LANCL3: variants seen among roughly 807,000 people sequenced by gnomAD.
LANCL3 encodes the protein LanC like family member 3.
In LANCL3, 19 loss-of-function variants were observed where a neutral mutation model predicts 26.5. That is an observed-to-expected ratio of 0.72 (90% confidence interval 0.50 to 1.05). The LOEUF (loss-of-function observed/expected upper bound fraction) is 1.05. Ranked by LOEUF, LANCL3 falls within the 50% of genes least tolerant of loss-of-function variation. The pLI, the probability that LANCL3 is intolerant of heterozygous loss-of-function variation, is 0.00. For synonymous variants in LANCL3, 160 were observed against 166.6 expected, an observed-to-expected ratio of 0.96 and a Z score of 0.30; for missense variants, 318 against 362.7, an observed-to-expected ratio of 0.88 and a Z score of 1.00.
intron 1 of LANCL3, among the ~76,000 whole-genome samples, chrX:37,631,644 A>G (rs1240716806): frequency 1.8e-5 from 2 of 109,038 alleles, no homozygotes; most frequent in Non-Finnish European, 3.8e-5. Flanking sequence ...AGATTCTTGT[A>G]TGTTGTGTCT....
In LANCL3 at chrX:37,586,341, C is replaced by T. The variant is rs782442210; in HGVS notation, c.573+13898C>T. ...TGCATTTCCTGAATTTGAATGTTGG[C>T]CTGCCTTGCTAGGTTGGGGAAGTTC... On this transcript the variant is annotated intron_variant, in intron 1 of 4. Coordinates refer to ENST00000378619, the MANE Select transcript of LANCL3 (RefSeq NM_001170331.2). 6.3e-5 allele frequency among the ~76,000 whole-genome samples: 7 copies of T among 111,614 alleles called. 1 individual carries two copies. In the South Asian group the frequency reaches 2.6e-3, roughly 42 times the overall value.
rs1926921283 is a variant in LANCL3, at chrX:37,680,860, T to C, written c.*5047T>C. 2 of 111,249 alleles carry C rather than the reference T, an allele frequency of 1.8e-5. No homozygotes were observed. Among genetic ancestry groups the C allele is most frequent in the African/African-American group, 6.6e-5 (2 of 30,474 alleles). 9.2% of individuals were successfully genotyped at this position (111,249 alleles called of 1,213,427 possible). A position where few individuals can be genotyped will look rare whatever the true frequency, so the allele number is the denominator to read the frequency against. ...GAGTGTGTGTGTGTGTGTGTGTAAG[T>C]AGTTGAGTGAAAAAGAATGAGACTG... On this transcript the variant is annotated 3_prime_UTR_variant, in exon 5 of 5. Transcript: ENST00000378619.
At chrX:37,582,233 C>G (rs782204876) in intron 1 of LANCL3, among the ~76,000 whole-genome samples, 178 of 111,922 alleles carry the variant, frequency 1.6e-3, no homozygotes, top group African/African-American at 5.5e-3. Context: ...AATAGTGCGG[C>G]AATAAACATA....
Position 37,659,616 on chromosome X carries a change from C to T in LANCL3, c.852C>T (p.Ile284=), listed in dbSNP as rs143522757. The change falls in exon 3 of 5, where the codon ATC becomes ATT. Residue 284 remains isoleucine, a synonymous_variant. Coordinates refer to ENST00000378619, the MANE Select transcript of LANCL3 (RefSeq NM_001170331.2). ...GGCCACCTGAGCTCGGCGAGACCAT[C>T]GAGAGAGAGAATGAGCTGGTGCACT... ...CNWPPELGET[I]ERENELVHWC... is the part of the protein sequence containing the mutation. The T allele has an allele frequency of 4.0e-5, 48 of 1,208,342 alleles. No individual in the cohort carries two copies. The highest frequency in any genetic ancestry group is 3.9e-4 in the African/African-American group (22 of 56,699).
At chrX:37,616,643 G>A (rs112879939) in intron 1 of LANCL3, among the ~76,000 whole-genome samples, 1,410 of 112,031 alleles carry the variant, frequency 0.013, 19 homozygotes, top group African/African-American at 0.044. Context: ...AGGAACTTGA[G>A]GTAACAAGGA....
chrX:37,582,235 A>G (rs1370797325), intron 1 of LANCL3, among the ~76,000 whole-genome samples: 6 of 112,061 alleles, frequency 5.4e-5, no homozygotes, highest in Non-Finnish European at 1.1e-4. Context: ...TAGTGCGGCA[A>G]TAAACATACG....
At chrX:37,626,305 C>T (rs1315102232) in intron 1 of LANCL3, among the ~76,000 whole-genome samples, 1 of 112,005 alleles carries the variant, frequency 8.9e-6, no homozygotes, top group Non-Finnish European at 1.9e-5. Context: ...CAAAAGTTAG[C>T]TCTTCACTCC....
rs142486558 is a variant in LANCL3 at position 37,591,565 on chromosome X, A to G, written c.573+19122A>G. Among the ~76,000 whole-genome samples the G allele has an allele frequency of 5.4e-3, 594 of 110,545 alleles. 3 individuals carry two copies. The highest frequency in any genetic ancestry group is 0.022 in the South Asian group (56 of 2,586). ...AAGTGTTCCAAGGAGAAACCAGTAT[A>G]AGAATGGGGAAAGTAGGAAGCAGTG... On this transcript the variant is annotated intron_variant, in intron 1 of 4. Transcript: ENST00000378619.
chrX:37,671,501 C>T (rs957012836), intron 4 of LANCL3, among the ~76,000 whole-genome samples: 2 of 111,314 alleles, frequency 1.8e-5, no homozygotes, highest in African/African-American at 3.3e-5. Flanking sequence ...GTCTTTCCTA[C>T]GAATGAAAGG....
chrX:37,633,491 G>A (rs1556424957), intron 1 of LANCL3, among the ~76,000 whole-genome samples: 1 of 111,695 alleles, frequency 9.0e-6, no homozygotes, highest in African/African-American at 3.3e-5. Flanking sequence ...TTCCTTTGGA[G>A]GAGGAGAGGC....
At chrX:37,649,434 A>T (rs1041099797) in intron 1 of LANCL3, among the ~76,000 whole-genome samples, 31 of 110,530 alleles carry the variant, frequency 2.8e-4, no homozygotes, top group South Asian at 1.2e-3. Context: ...GAGAGGAACA[A>T]CACACACCAG....
At chrX:37,646,182 A>G (rs781948901) in intron 1 of LANCL3, among the ~76,000 whole-genome samples, 1 of 113,063 alleles carries the variant, frequency 8.8e-6, no homozygotes, top group Non-Finnish European at 1.9e-5. Context: ...TCTCCAACCT[A>G]GCATAGGCTT....
intron 4 of LANCL3, among the ~76,000 whole-genome samples, chrX:37,672,397 T>C (rs1926705162): frequency 8.9e-6 from 1 of 112,242 alleles, no homozygotes; most frequent in South Asian, 3.7e-4. Flanking sequence ...AAAAGTTCTC[T>C]GAAACGGAAT....
intron 1 of LANCL3, among the ~76,000 whole-genome samples, chrX:37,596,540 A>T (rs1332011696): frequency 8.9e-6 from 1 of 112,170 alleles, no homozygotes. Flanking sequence ...GGCCAAAGGT[A>T]GTACTTTCTC....
intron 2 of LANCL3, among the ~76,000 whole-genome samples, chrX:37,656,598 T>C (rs1192751215): frequency 8.9e-6 from 1 of 112,695 alleles, no homozygotes; most frequent in Non-Finnish European, 1.9e-5. Context: ...GGAGAAAGAT[T>C]CACAAGTTTC....
intron 1 of LANCL3, among the ~76,000 whole-genome samples, chrX:37,582,689 T>C (rs1393793274): frequency 2.7e-5 from 3 of 112,199 alleles, no homozygotes; most frequent in Non-Finnish European, 5.6e-5. Context: ...GTAAATTTGG[T>C]TGAGTTCTTG....
At chrX:37,578,213 G>A (rs1279011576) in intron 1 of LANCL3, among the ~76,000 whole-genome samples, 2 of 112,078 alleles carry the variant, frequency 1.8e-5, no homozygotes, top group East Asian at 2.8e-4. Flanking sequence ...ATTCTATCCT[G>A]GAAGAATTTC....
chrX:37,607,494 A>G (rs983534401), intron 1 of LANCL3, among the ~76,000 whole-genome samples: 2 of 112,586 alleles, frequency 1.8e-5, no homozygotes, highest in East Asian at 2.8e-4. Flanking sequence ...CCCGTGTTCT[A>G]TTCTCTGCTT....
intron 1 of LANCL3, among the ~76,000 whole-genome samples, chrX:37,585,194 C>T (rs1247219065): frequency 9.0e-6 from 1 of 111,605 alleles, no homozygotes; most frequent in African/African-American, 3.3e-5. Context: ...TTTACATTTG[C>T]TGAGGAGTGC....
Sources: allele counts gnomAD v4.1 joint callset (sites outside exome capture counted in the v4.1 genomes callset), GRCh38; gene constraint gnomAD v4.1.1; transcripts MANE v1.5; gene names NCBI Gene and HGNC (gene_info 2026-07-23, HGNC 2026-07-21).